TTLL5: variants seen among roughly 807,000 people sequenced by gnomAD.
TTLL5 encodes the protein tubulin tyrosine ligase like 5.
Under a neutral mutation model 168.4 loss-of-function variants are expected in TTLL5, and 132 were observed. The ratio of observed to expected loss-of-function variants is 0.78; its 90% CI spans 0.68 to 0.91. The LOEUF (loss-of-function observed/expected upper bound fraction) is 0.91. TTLL5 is among the 40% of genes least tolerant of loss of function. The pLI, the probability that TTLL5 is intolerant of heterozygous loss-of-function variation, is 0.00. For missense variants in TTLL5, 1,545 were observed against 1,581.5 expected (o/e 0.98, Z 0.39); for synonymous variants, 546 against 558.6 (o/e 0.98, Z 0.32).
intron 16 of TTLL5, 116 bp downstream of exon 16, chr14:75,745,324 C>G (rs916920512): frequency 3.2e-6 from 4 of 1,231,504 alleles, no homozygotes; most frequent in Non-Finnish European, 4.6e-6. Context: ...GAGAAAGATT[C>G]AAGATTGGAG....
intron 17 of TTLL5, among the ~76,000 whole-genome samples, chr14:75,748,877 T>A (rs776642807): frequency 6.6e-6 from 1 of 152,198 alleles, no homozygotes; most frequent in Non-Finnish European, 1.5e-5. Context: ...TTTGTACTTG[T>A]TTATAGGCAA....
rs1463458107 is a variant in TTLL5, at chr14:75,720,601, A to G, written c.940A>G (p.Met314Val). Residue 314 changes from methionine (M) to valine (V), a missense_variant, in exon 12 of 32, where the codon ATG becomes GTG. Transcript: ENST00000298832. ...TTAAAAATTTTTGTTTGCAGCATTGATGGCCCATGTAGAAGACCTGATCAT... is the reference window on the plus strand; with the variant it reads ...TTAAAAATTTTTGTTTGCAGCATTGGTGGCCCATGTAGAAGACCTGATCAT... Reference protein sequence around the residue: ...KQEGRDTTALMAHVEDLIIKT... With the variant: ...KQEGRDTTALVAHVEDLIIKT... 1.4e-5 allele frequency: 23 copies of G among 1,612,856 alleles called. No individual in the cohort carries two copies. Among genetic ancestry groups the G allele is most frequent in the Non-Finnish European group, 2.0e-5 (23 of 1,179,312 alleles).
At chr14:75,728,663 G>A (rs1345345876) in intron 12 of TTLL5, among the ~76,000 whole-genome samples, 2 of 126,206 alleles carry the variant, frequency 1.6e-5, no homozygotes, top group African/African-American at 2.8e-5. Flanking sequence ...CTAAAGATGT[G>A]ATTTGAATAT....
Position 75,783,462 on chromosome 14 carries a change from T to G in TTLL5, c.2918T>G (p.Phe973Cys), listed in dbSNP as rs1432346954. 1 of 1,614,176 alleles carries G rather than the reference T, an allele frequency of 6.2e-7. No individual in the cohort carries two copies. The highest frequency in any genetic ancestry group is 8.5e-7 in the Non-Finnish European group (1 of 1,180,036). ...CRSGSHTIGPFSSFQSAAHIY... is the reference protein window; with the variant it reads ...CRSGSHTIGPCSSFQSAAHIY... Reference sequence around the variant, plus strand: ...TCAGGAAGTCACACCATTGGTCCCTTTTCTTCCTTCCAAAGTGCTGCACAC... The same window carrying G: ...TCAGGAAGTCACACCATTGGTCCCTGTTCTTCCTTCCAAAGTGCTGCACAC... Residue 973 changes from phenylalanine to cysteine, a missense_variant, in exon 26 of 32, where the codon TTT (phenylalanine) becomes TGT (cysteine). By Grantham distance (205) the Phe-to-Cys change is radical. Coordinates refer to ENST00000298832, the MANE Select transcript of TTLL5 (RefSeq NM_015072.5).
At chr14:75,927,259 A>G (rs1023849113) in intron 31 of TTLL5, among the ~76,000 whole-genome samples, 1 of 152,204 alleles carries the variant, frequency 6.6e-6, no homozygotes, top group Non-Finnish European at 1.5e-5. Context: ...AAACAATCCA[A>G]TTATACTATT....
chr14:75,947,788 C>T (rs537216859), intron 31 of TTLL5, among the ~76,000 whole-genome samples: 13 of 151,882 alleles, frequency 8.6e-5, no homozygotes, highest in African/African-American at 2.9e-4. Context: ...CCAAAAAAAT[C>T]GAAAAATTAG....
rs1220206969 is a variant in TTLL5, at chr14:75,893,834, A to T, written c.3741-8308A>T. Among the ~76,000 whole-genome samples, 6 of 71,748 alleles carry T rather than the reference A, an allele frequency of 8.4e-5. No homozygotes were observed. In the East Asian group the frequency reaches 1.7e-3, roughly 20 times the overall value. The allele number at this position is 71,748 out of a possible 152,430, so 47.1% of individuals were successfully genotyped here. On this transcript the variant is annotated intron_variant, in intron 30 of 31. Transcript: ENST00000298832. ...CTCCATCTCAAAAAAAAAAAAAAAA[A>T]AAAAAATAGTGAAGGCAAAATAATT...
chr14:75,893,846 A>C (rs2032525900), intron 30 of TTLL5, among the ~76,000 whole-genome samples: 1 of 35,336 alleles, frequency 2.8e-5, no homozygotes. Flanking sequence ...AAAAATAGTG[A>C]AGGCAAAATA....
intron 7 of TTLL5, 82 bp downstream of exon 7, chr14:75,699,352 C>T: frequency 8.2e-7 from 1 of 1,224,074 alleles, no homozygotes; most frequent in Non-Finnish European, 1.2e-6. Context: ...TAATATAGTT[C>T]CATTTCATTA....
At chr14:75,748,126 C>T (rs1340135919) in intron 17 of TTLL5, among the ~76,000 whole-genome samples, 1 of 152,170 alleles carries the variant, frequency 6.6e-6, no homozygotes, top group African/African-American at 2.4e-5. Context: ...CAGTCCTGTG[C>T]TGCCAGTTGT....
At chr14:75,679,050 T>C (rs1884395339) in intron 3 of TTLL5, among the ~76,000 whole-genome samples, 1 of 152,226 alleles carries the variant, frequency 6.6e-6, no homozygotes, top group South Asian at 2.1e-4. Context: ...TAGCTTTCTC[T>C]TGTGTGGTAG....
At chr14:75,863,589 C>G in intron 28 of TTLL5, 78 bp from the exon 29 acceptor site, 5 of 1,365,584 alleles carry the variant, frequency 3.7e-6, no homozygotes, top group Non-Finnish European at 3.0e-6. Flanking sequence ...GGAAAAATAC[C>G]TGAGATATTT....
chr14:75,745,316 G>A (rs1288798942), intron 16 of TTLL5, 108 bp downstream of exon 16: 1 of 1,266,336 alleles, frequency 7.9e-7, no homozygotes, highest in Non-Finnish European at 1.1e-6. Flanking sequence ...ATTGAAAAGA[G>A]AAAGATTCAA....
chr14:75,918,652 A>C (rs927746049), intron 31 of TTLL5, among the ~76,000 whole-genome samples: 10 of 152,220 alleles, frequency 6.6e-5, no homozygotes, highest in Admixed American at 1.3e-4. Flanking sequence ...ATACTTATCA[A>C]AATTATAAAT....
intron 3 of TTLL5, among the ~76,000 whole-genome samples, chr14:75,673,382 G>A (rs1883891443): frequency 6.6e-6 from 1 of 152,200 alleles, no homozygotes; most frequent in South Asian, 2.1e-4. Context: ...GAGCCCTGGT[G>A]TTAGTCTGTA....
At chr14:75,859,849 T>C (rs1897315643) in intron 28 of TTLL5, among the ~76,000 whole-genome samples, 1 of 152,188 alleles carries the variant, frequency 6.6e-6, no homozygotes, top group Non-Finnish European at 1.5e-5. Context: ...CATTATAGCA[T>C]TAGCATACTG....
intron 26 of TTLL5, among the ~76,000 whole-genome samples, chr14:75,790,724 C>T (rs765802031): frequency 6.6e-6 from 1 of 151,534 alleles, no homozygotes; most frequent in East Asian, 2.0e-4. Context: ...CTCAGCCTCC[C>T]AAAGTGCTGG....
intron 28 of TTLL5, among the ~76,000 whole-genome samples, chr14:75,821,873 T>C (rs1382133840): frequency 6.6e-6 from 1 of 152,182 alleles, no homozygotes; most frequent in Admixed American, 6.5e-5. Flanking sequence ...CCTTTTCTTT[T>C]TACCCACAGC....
chr14:75,929,029 A>T (rs1191591340), intron 31 of TTLL5, among the ~76,000 whole-genome samples: 2 of 102,532 alleles, frequency 2.0e-5, no homozygotes, highest in East Asian at 6.6e-4. Context: ...TTTCGTGGCC[A>T]CGGAGCAGCT....
Sources: allele counts gnomAD v4.1 joint callset (sites outside exome capture counted in the v4.1 genomes callset), GRCh38; gene constraint gnomAD v4.1.1; transcripts MANE v1.5; gene names NCBI Gene and HGNC (gene_info 2026-07-23, HGNC 2026-07-21).